Variants in MEX3D observed in about 807,000 individuals in gnomAD.
MEX3D encodes the protein mex-3 RNA binding family member D.
MEX3D carries 4 observed loss-of-function variants against 6.3 expected under a neutral mutation model. The ratio of observed to expected loss-of-function variants is 0.64; its 90% confidence interval spans 0.31 to 1.46. The LOEUF (loss-of-function observed/expected upper bound fraction) is 1.46. Among genes scored for constraint, MEX3D ranks in the 40% most tolerant of loss-of-function variants. The pLI is 0.07. For missense variants in MEX3D, 1,038 were observed against 994.4 expected, an observed-to-expected ratio of 1.04 and a Z score of -0.59; for synonymous variants, 626 against 494.1, an observed-to-expected ratio of 1.27 and a Z score of -3.54.
rs1247534650 is a variant in MEX3D at position 1,556,723 on chromosome 19, C to T, written c.796G>A (p.Gly266Ser). The change falls in exon 2 of 2, where the codon GGC (glycine) becomes AGC (serine). Residue 266 changes from glycine (G) to serine (S), a missense_variant. Physicochemically the swap from Gly to Ser is moderately conservative, Grantham distance 56. Coordinates refer to ENST00000402693, the MANE Select transcript of MEX3D (RefSeq NM_203304.4). The surrounding 1 kb of genome is among the most constrained non-coding windows in gnomAD (Gnocchi z 7.5). ...KAGGLPGAAQ[G>S]PPNLPGQTTI... is the part of the protein sequence containing the mutation. ...GTCTGTCCGGGAAGGTTGGGCGGGC[C>T]CTGGGCGGCGCCGGGCAGACCCCCG... 1.2e-6 allele frequency: 2 copies of T among 1,611,296 alleles called. No individual in the cohort carries two copies. The highest frequency in any genetic ancestry group is 1.1e-5 in the South Asian group (1 of 90,976).
Position 1,556,585 on chromosome 19 carries a change from G to A in MEX3D, c.934C>T (p.Arg312Cys). Residue 312 changes from arginine to cysteine, a missense_variant, in exon 2 of 2, where the codon CGC (arginine) becomes TGC (cysteine). Physicochemically the swap from Arg to Cys is radical, Grantham distance 180. This residue lies in a region of MEX3D where 65 missense variants were observed against 109.3 expected (regional missense o/e 0.59). Transcript: ENST00000402693. This position sits in a 1 kb window ranked among gnomAD's most constrained non-coding sequence, Gnocchi z 7.5. ...RTHTYIVTPG[R>C]DKEPVFAVTG... ...ACCGCGAACACCGGCTCCTTGTCGC[G>A]CCCGGGCGTCACGATGTAGGTGTGC... 6.2e-7 allele frequency: 1 copy of A among 1,609,116 alleles called. No homozygotes were observed.
At position 1,555,913 on chromosome 19, in the gene MEX3D, C is replaced by A. The variant is rs1914529495; in HGVS notation, c.1606G>T (p.Asp536Tyr). ...CGCCAGGACAGCGCGCCCACCGGGT[C>A]CGGGGCGCCACGGCGAGACAGCGGG... is the stretch of plus-strand genomic sequence containing the variant. Reference protein sequence around the residue: ...ELPLSRRGAPDPVGALSWRPP... With the variant: ...ELPLSRRGAPYPVGALSWRPP... The change falls in exon 2 of 2, where the codon GAC (aspartate) becomes TAC (tyrosine). Residue 536 changes from aspartate to tyrosine, a missense_variant. By Grantham distance (160) the Asp-to-Tyr change is radical (BLOSUM62 -3). Around this residue, in one of 5 missense-constraint regions of MEX3D, gnomAD observed 581 missense variants for 516.2 expected, o/e 1.13. Coordinates refer to ENST00000402693, the MANE Select transcript of MEX3D (RefSeq NM_203304.4). 2 of 1,207,406 alleles carry A rather than the reference C, an allele frequency of 1.7e-6. No homozygotes were observed. 74.8% of individuals were successfully genotyped at this position (1,207,406 alleles called of 1,614,324 possible).
In MEX3D at chr19:1,567,365, G is replaced by A. The variant is rs1473745571; in HGVS notation, c.595+99C>T. On this transcript the variant is annotated intron_variant, in intron 1 of 1. Transcript: ENST00000402693. The surrounding 1 kb of genome is among the most constrained non-coding windows in gnomAD (Gnocchi z 6.5). Reference sequence around the variant, plus strand: ...CCACGCGGGGCGTGTCCGGTGCGGGGCGTCCGGCGCGGGCTGGGCTGGGCT... The same window carrying A: ...CCACGCGGGGCGTGTCCGGTGCGGGACGTCCGGCGCGGGCTGGGCTGGGCT... 1.4e-5 allele frequency: 18 copies of A among 1,307,616 alleles called. No individual in the cohort carries two copies. The highest frequency in any genetic ancestry group is 5.7e-4 in the Middle Eastern group (2 of 3,534). 81.0% of individuals were successfully genotyped at this position (1,307,616 alleles called of 1,614,324 possible). A position where few individuals can be genotyped will look rare whatever the true frequency, so the allele number is the denominator to read the frequency against.
intron 1 of MEX3D, among the ~76,000 whole-genome samples, chr19:1,558,494 G>A (rs1056275350): frequency 9.2e-5 from 14 of 151,780 alleles, no homozygotes; most frequent in Non-Finnish European, 2.1e-4. Flanking sequence ...AACTGAAGGC[G>A]CCCCCCGCCC....
chr19:1,556,552 TC>T lies in MEX3D; in HGVS notation c.966del (p.Met323CysfsTer142). The T allele has an allele frequency of 6.2e-7, 1 of 1,608,298 alleles. No homozygotes were observed. The highest frequency in any genetic ancestry group is 8.5e-7 in the Non-Finnish European group (1 of 1,178,108). ...RDKEPVFAVT[G>X]MPENVDRARE... Reference sequence around the variant, plus strand: ...CGCGCGCGGTCCACGTTCTCGGGCATCCCAGTGACCGCGAACACCGGCTCCT... The same window carrying T: ...CGCGCGCGGTCCACGTTCTCGGGCATCCAGTGACCGCGAACACCGGCTCCT... On this transcript the variant is annotated frameshift_variant, in exon 2 of 2. Transcript: ENST00000402693. LOFTEE classifies it low-confidence loss of function (END_TRUNC). The surrounding 1 kb of genome is among the most constrained non-coding windows in gnomAD (Gnocchi z 7.5).
chr19:1,557,189 C>G (rs745643835), intron 1 of MEX3D, among the ~76,000 whole-genome samples: 1 of 152,178 alleles, frequency 6.6e-6, no homozygotes, highest in Non-Finnish European at 1.5e-5. Context: ...CCCCTGGAAC[C>G]GCAGTGTGAC....
At chr19:1,566,658 G>T (rs895703183) in intron 1 of MEX3D, among the ~76,000 whole-genome samples, 3 of 152,064 alleles carry the variant, frequency 2.0e-5, no homozygotes, top group African/African-American at 7.2e-5. Context: ...GTGTGAGCTG[G>T]GCCAGGCACT....
chr19:1,555,259 G>C lies in MEX3D; in HGVS notation c.*304C>G. The C allele has an allele frequency of 6.9e-7, 1 of 1,446,722 alleles. No individual in the cohort carries two copies. The highest frequency in any genetic ancestry group is 9.4e-7 in the Non-Finnish European group (1 of 1,062,028). 89.6% of individuals were successfully genotyped at this position (1,446,722 alleles called of 1,614,324 possible). ...TTAAAGATCACCCTGGAGGGGAGGG[G>C]TGTCTAAAAATAAGAAAACTAAAAA... On this transcript the variant is annotated 3_prime_UTR_variant, in exon 2 of 2. Coordinates refer to ENST00000402693, the MANE Select transcript of MEX3D (RefSeq NM_203304.4).
Position 1,556,955 on chromosome 19 carries a change from C to T in MEX3D, c.596-32G>A, listed in dbSNP as rs771865646. ...GGGAGGGAGGGGAAGGACAAGGTGA[C>T]CCAGAGCCCCCTGCGCAGCTCAGCC... On this transcript the variant is annotated intron_variant, in intron 1 of 1. Transcript: ENST00000402693. This position sits in a 1 kb window ranked among gnomAD's most constrained non-coding sequence, Gnocchi z 7.5. 9 of 1,563,492 alleles carry T rather than the reference C, an allele frequency of 5.8e-6. No individual in the cohort carries two copies. The East Asian group carries it at 1.6e-4, about 27-fold the overall frequency.
chr19:1,566,553 T>C (rs1051896866), intron 1 of MEX3D, among the ~76,000 whole-genome samples: 27 of 151,546 alleles, frequency 1.8e-4, no homozygotes, highest in African/African-American at 6.3e-4. Context: ...GGCTGATCAC[T>C]GGCGGTCAGC....
intron 1 of MEX3D, among the ~76,000 whole-genome samples, chr19:1,566,767 GAAC>G: frequency 6.6e-6 from 1 of 152,138 alleles, no homozygotes; most frequent in Admixed American, 6.5e-5. Context: ...CTAACAAAGA[GAAC>G]AATGGGGCGG....
chr19:1,556,564 C>A lies in MEX3D; in HGVS notation c.955G>T (p.Ala319Ser). Residue 319 changes from alanine to serine, a missense_variant, in exon 2 of 2, where the codon GCG (alanine) becomes TCG (serine). By Grantham distance (99) the Ala-to-Ser change is moderately conservative (BLOSUM62 1). Coordinates refer to ENST00000402693, the MANE Select transcript of MEX3D (RefSeq NM_203304.4). This position sits in a 1 kb window ranked among gnomAD's most constrained non-coding sequence, Gnocchi z 7.5. ...TPGRDKEPVF[A>S]VTGMPENVDR... The stretch of plus-strand genomic sequence containing the variant: ...ACGTTCTCGGGCATCCCAGTGACCG[C>A]GAACACCGGCTCCTTGTCGCGCCCG... 6.2e-7 allele frequency: 1 copy of A among 1,608,572 alleles called. No homozygotes were observed. Among genetic ancestry groups the A allele is most frequent in the Non-Finnish European group, 8.5e-7 (1 of 1,178,316 alleles).
intron 1 of MEX3D, among the ~76,000 whole-genome samples, chr19:1,559,912 G>A (rs1213807969): frequency 6.6e-6 from 1 of 152,108 alleles, no homozygotes; most frequent in African/African-American, 2.4e-5. Context: ...CCTCCCAGTC[G>A]CAGCATTCTG....
Position 1,568,075 on chromosome 19 carries a change from G to A in MEX3D, c.-17C>T. 1 of 978,600 alleles carries A rather than the reference G, an allele frequency of 1.0e-6. No homozygotes were observed. The highest frequency in any genetic ancestry group is 1.2e-6 in the Non-Finnish European group (1 of 827,700). The allele number at this position is 978,600 out of a possible 1,614,324, so 60.6% of individuals were successfully genotyped here. On this transcript the variant is annotated 5_prime_UTR_variant, in exon 1 of 2. It introduces an in-frame stop codon into an upstream open reading frame of the 5' UTR. Transcript: ENST00000402693. ...GCTGGGCATGGCGGGAGCTAGCGCTGGGGCCCGCGCTCCTGCCGCCCGCGC... is the reference window on the plus strand; with the variant it reads ...GCTGGGCATGGCGGGAGCTAGCGCTAGGGCCCGCGCTCCTGCCGCCCGCGC...
intron 1 of MEX3D, among the ~76,000 whole-genome samples, chr19:1,559,201 G>A (rs748771199): frequency 2.6e-5 from 4 of 151,866 alleles, no homozygotes; most frequent in Admixed American, 6.6e-5. Context: ...GTACCATCTC[G>A]GCTCACTGCA....
In MEX3D at chr19:1,556,146, T is replaced by C; in HGVS notation, c.1373A>G (p.Asp458Gly). 6.8e-7 allele frequency: 1 copy of C among 1,474,216 alleles called. No individual in the cohort carries two copies. The highest frequency in any genetic ancestry group is 9.0e-7 in the Non-Finnish European group (1 of 1,113,194). 91.3% of individuals were successfully genotyped at this position (1,474,216 alleles called of 1,614,324 possible). A position where few individuals can be genotyped will look rare whatever the true frequency, so the allele number is the denominator to read the frequency against. Residue 458 changes from aspartate to glycine, a missense_variant, in exon 2 of 2, where the codon GAC (aspartate) becomes GGC (glycine). Around this residue, in one of 5 missense-constraint regions of MEX3D, gnomAD observed 581 missense variants for 516.2 expected, o/e 1.13. Coordinates refer to ENST00000402693, the MANE Select transcript of MEX3D (RefSeq NM_203304.4). This position sits in a 1 kb window ranked among gnomAD's most constrained non-coding sequence, Gnocchi z 7.5. ...PDDCDFGFDF[D>G]FLALDLTVPA... Reference sequence around the variant, plus strand: ...CACGGTCAGGTCCAGCGCCAGGAAGTCGAAGTCGAAGCCGAAGTCGCAGTC... The same window carrying C: ...CACGGTCAGGTCCAGCGCCAGGAAGCCGAAGTCGAAGCCGAAGTCGCAGTC...
Position 1,556,807 on chromosome 19 carries a change from G to A in MEX3D, c.712C>T (p.Arg238Cys), listed in dbSNP as rs138307622. ...GRKEDVEMAK[R>C]EILSAAEHFS... ...TGTTCGGCCGCCGACAGGATCTCACGCTTGGCCATCTCCACGTCCTCCTTC... is the reference window on the plus strand; with the variant it reads ...TGTTCGGCCGCCGACAGGATCTCACACTTGGCCATCTCCACGTCCTCCTTC... Residue 238 changes from arginine to cysteine, a missense_variant, in exon 2 of 2, where the codon CGT becomes TGT. Arg to Cys is a radical substitution (Grantham distance 180, BLOSUM62 -3). This residue lies in a region of MEX3D where 75 missense variants were observed against 125.1 expected (regional missense o/e 0.60). Coordinates refer to ENST00000402693, the MANE Select transcript of MEX3D (RefSeq NM_203304.4). This position sits in a 1 kb window ranked among gnomAD's most constrained non-coding sequence, Gnocchi z 7.5. 109 of 1,612,528 alleles carry A rather than the reference G, an allele frequency of 6.8e-5. No individual in the cohort carries two copies. The highest frequency in any genetic ancestry group is 9.1e-5 in the Non-Finnish European group (107 of 1,179,816).
At chr19:1,557,241 C>G (rs1914597725) in intron 1 of MEX3D, among the ~76,000 whole-genome samples, 1 of 152,118 alleles carries the variant, frequency 6.6e-6, no homozygotes, top group Non-Finnish European at 1.5e-5. Flanking sequence ...CAAGCTGGAC[C>G]CTAATATGCG....
intron 1 of MEX3D, among the ~76,000 whole-genome samples, chr19:1,559,654 G>A (rs1471123331): frequency 6.6e-6 from 1 of 152,236 alleles, no homozygotes; most frequent in African/African-American, 2.4e-5. Flanking sequence ...CAGTCAGAAG[G>A]TGGCTCTGAG....
Sources: gnomAD v4.1 joint callset for allele counts (sites outside exome capture counted in the v4.1 genomes callset) on GRCh38, gnomAD v4.1.1 for gene constraint, gnomAD v4.1.1 regional missense constraint, Gnocchi (gnomAD v3.1) non-coding constraint, MANE v1.5 for transcripts, NCBI Gene and HGNC (gene_info 2026-07-23, HGNC 2026-07-21) for gene names.